The following GNAL variants were observed in gnomAD, a reference collection of about 807,000 sequenced individuals.
GNAL encodes G protein subunit alpha L.
GNAL carries 18 observed loss-of-function variants against 55.1 expected under a neutral mutation model. The ratio of observed to expected loss-of-function variants is 0.33; its 90% confidence interval spans 0.23 to 0.48. The LOEUF is 0.48. GNAL is among the 20% of genes least tolerant of loss of function. The probability of loss-of-function intolerance (pLI) is 0.99; values close to 1 mark genes in which losing one functional copy is unlikely to be tolerated. For synonymous variants in GNAL, 253 were observed against 237.0 expected, an observed-to-expected ratio of 1.07 and a Z score of -0.62; for missense variants, 412 against 614.1, an observed-to-expected ratio of 0.67 and a Z score of 3.48.
intron 5 of GNAL, among the ~76,000 whole-genome samples, chr18:11,861,294 C>T (rs998476175): frequency 2.6e-5 from 4 of 152,130 alleles, no homozygotes; most frequent in Non-Finnish European, 4.4e-5. Flanking sequence ...CCCTGCTGCC[C>T]CTCTGTCTCC....
In GNAL at chr18:11,747,018, G is replaced by A; in HGVS notation, c.377-5835G>A. 6.1e-6 allele frequency: 3 copies of A among 494,524 alleles called. No individual in the cohort carries two copies. The Admixed American group carries it at 6.3e-5, about 10-fold the overall frequency. 30.6% of individuals were successfully genotyped at this position (494,524 alleles called of 1,614,324 possible). A position where few individuals can be genotyped will look rare whatever the true frequency, so the allele number is the denominator to read the frequency against. ...AGCATGGTGATCTTCTCTGGACAGA[G>A]ATCAGATGAACTTATGCAGGGTTAT... On this transcript the variant is annotated intron_variant, in intron 1 of 11. Transcript: ENST00000334049.
chr18:11,755,953 CAT>C (rs2033042268), intron 4 of GNAL, among the ~76,000 whole-genome samples: 1 of 152,198 alleles, frequency 6.6e-6, no homozygotes, highest in South Asian at 2.1e-4. Context: ...CAGATTTAGA[CAT>C]TTATAGAAAA....
chr18:11,806,416 C>T (rs111640688), intron 4 of GNAL, among the ~76,000 whole-genome samples: 9,915 of 152,226 alleles, frequency 0.065, 484 homozygotes, highest in African/African-American at 0.13. Context: ...AATTCTTTGC[C>T]TAGACCAATG....
chr18:11,783,648 C>T (rs2033981595), intron 4 of GNAL, among the ~76,000 whole-genome samples: 1 of 152,232 alleles, frequency 6.6e-6, no homozygotes, highest in Admixed American at 6.5e-5. Context: ...TTCTAGCAGC[C>T]ACATTTTTAA....
intron 4 of GNAL, among the ~76,000 whole-genome samples, chr18:11,759,168 GT>G (rs2033158006): frequency 6.7e-6 from 1 of 149,640 alleles, no homozygotes; most frequent in African/African-American, 2.5e-5. Flanking sequence ...GCGAGACTCC[GT>G]CTCAAAAAAA....
chr18:11,695,376 C>T (rs1001905579), intron 1 of GNAL, among the ~76,000 whole-genome samples: 4 of 152,176 alleles, frequency 2.6e-5, no homozygotes, highest in East Asian at 1.9e-4. Flanking sequence ...TCGGGGCTCA[C>T]GCACATGAGA....
chr18:11,880,539 C>A (rs945790278), intron 11 of GNAL, among the ~76,000 whole-genome samples: 1 of 152,218 alleles, frequency 6.6e-6, no homozygotes, highest in African/African-American at 2.4e-5. Flanking sequence ...TGCACCACTG[C>A]ACTCCAGCCT....
intron 5 of GNAL, among the ~76,000 whole-genome samples, chr18:11,858,121 A>G (rs144199739): frequency 9.0e-4 from 137 of 152,332 alleles, no homozygotes; most frequent in African/African-American, 3.0e-3. Flanking sequence ...CATGGCCATA[A>G]GAATTCTTTG....
rs1307054967 is a variant in GNAL at position 11,729,560 on chromosome 18, C to T, written c.377-23293C>T. Among the ~76,000 whole-genome samples, 4 of 152,124 alleles carry T rather than the reference C, an allele frequency of 2.6e-5. No individual in the cohort carries two copies. In the East Asian group the frequency reaches 7.7e-4, roughly 29 times the overall value. Reference sequence around the variant, plus strand: ...TTTCCACTCGTTTTATTATGTACTTCCTTCATAATACTCATTACCTTTTAT... The same window carrying T: ...TTTCCACTCGTTTTATTATGTACTTTCTTCATAATACTCATTACCTTTTAT... On this transcript the variant is annotated intron_variant, in intron 1 of 11. Transcript: ENST00000334049.
chr18:11,794,004 C>T (rs1284973355), intron 4 of GNAL, among the ~76,000 whole-genome samples: 1 of 151,670 alleles, frequency 6.6e-6, no homozygotes, highest in Non-Finnish European at 1.5e-5. Context: ...AGATGTTCAA[C>T]ATCTGTTGTC....
chr18:11,734,958 A>T (rs1392039295), intron 1 of GNAL, among the ~76,000 whole-genome samples: 1 of 146,142 alleles, frequency 6.8e-6, no homozygotes, highest in Admixed American at 7.0e-5. Flanking sequence ...AGCATCCTAG[A>T]TAAAGAGAAA....
chr18:11,710,272 TG>T (rs1376224987), intron 1 of GNAL, among the ~76,000 whole-genome samples: 14 of 152,230 alleles, frequency 9.2e-5, no homozygotes, highest in Non-Finnish European at 1.9e-4. Context: ...CATCTGACTT[TG>T]GTATCGGCAT....
intron 4 of GNAL, among the ~76,000 whole-genome samples, chr18:11,798,062 C>G (rs997665842): frequency 6.6e-6 from 1 of 152,098 alleles, no homozygotes; most frequent in Non-Finnish European, 1.5e-5. Flanking sequence ...TGATCAAATA[C>G]AATCTTCTAA....
At chr18:11,809,842 A>G (rs1040301562) in intron 4 of GNAL, among the ~76,000 whole-genome samples, 8 of 152,272 alleles carry the variant, frequency 5.3e-5, no homozygotes, top group African/African-American at 1.7e-4. Context: ...AACCACAAGT[A>G]TAGAATTACA....
At chr18:11,848,878 TATTA>T (rs745770353) in intron 5 of GNAL, among the ~76,000 whole-genome samples, 14 of 152,364 alleles carry the variant, frequency 9.2e-5, no homozygotes, top group Non-Finnish European at 1.8e-4. Flanking sequence ...ATTTTATTCT[TATTA>T]ATTCATGTTC....
At chr18:11,806,003 A>G (rs2034649094) in intron 4 of GNAL, among the ~76,000 whole-genome samples, 1 of 152,134 alleles carries the variant, frequency 6.6e-6, no homozygotes. Flanking sequence ...CATCCTCCCC[A>G]GCATGTTATT....
intron 1 of GNAL, among the ~76,000 whole-genome samples, chr18:11,691,628 A>G (rs1008257620): frequency 3.3e-5 from 5 of 151,458 alleles, no homozygotes; most frequent in African/African-American, 7.3e-5. Flanking sequence ...ATCTTGAATT[A>G]ATTTTTGTAT....
At chr18:11,717,880 A>G (rs9989518) in intron 1 of GNAL, among the ~76,000 whole-genome samples, 88 of 152,222 alleles carry the variant, frequency 5.8e-4, no homozygotes, top group African/African-American at 1.8e-3. Flanking sequence ...GTACAATAAA[A>G]CCTCAAGACA....
At position 11,781,366 on chromosome 18, in the gene GNAL, T is replaced by C. The variant is rs117751757; in HGVS notation, c.624+27421T>C. On this transcript the variant is annotated intron_variant, in intron 4 of 11. Coordinates refer to ENST00000334049, the MANE Select transcript of GNAL (RefSeq NM_182978.4). The stretch of plus-strand genomic sequence containing the variant: ...ATTGAGAGAGCCTTAATATACACCT[T>C]TGAAAATATAGAATTTCTGTATCTT... Among the ~76,000 whole-genome samples, 174 of 152,306 alleles carry C rather than the reference T, an allele frequency of 1.1e-3. 1 individual carries two copies. The East Asian group carries it at 0.027, about 23-fold the overall frequency.
Sources: gnomAD v4.1 joint callset for allele counts (sites outside exome capture counted in the v4.1 genomes callset) on GRCh38, gnomAD v4.1.1 for gene constraint, MANE v1.5 for transcripts, NCBI Gene and HGNC (gene_info 2026-07-23, HGNC 2026-07-21) for gene names.